The following CCDC85A variants were observed in gnomAD, a reference collection of about 807,000 sequenced individuals.
CCDC85A encodes coiled-coil domain containing 85A, also known as coiled-coil domain-containing protein 85A.
A neutral mutation model predicts 50.2 loss-of-function variants in CCDC85A; 38 were observed. The observed-to-expected ratio is 0.76, with a 90% CI of 0.58 to 0.99. The LOEUF (loss-of-function observed/expected upper bound fraction) is 0.99, where lower values mean the gene tolerates loss of function less well. Among genes scored for constraint, CCDC85A ranks in the 50% least tolerant of loss-of-function variants. CCDC85A has a pLI of 0.00. For synonymous variants in CCDC85A, 366 were observed against 301.4 expected (o/e 1.21, Z -2.22); for missense variants, 820 against 742.0 (o/e 1.11, Z -1.22).
intron 3 of CCDC85A, among the ~76,000 whole-genome samples, chr2:56,353,987 A>G (rs1376492450): frequency 1.3e-5 from 2 of 152,194 alleles, no homozygotes; most frequent in African/African-American, 4.8e-5. Context: ...ACCTGAGTTC[A>G]TGAACTAATG....
At chr2:56,316,336 A>AT (rs1055294320) in intron 2 of CCDC85A, among the ~76,000 whole-genome samples, 3 of 151,584 alleles carry the variant, frequency 2.0e-5, no homozygotes, top group East Asian at 3.9e-4. Context: ...TCTTTTTTGG[A>AT]TTTTTTTTCT....
At chr2:56,186,841 G>A (rs979844509) in intron 1 of CCDC85A, among the ~76,000 whole-genome samples, 2 of 152,128 alleles carry the variant, frequency 1.3e-5, no homozygotes, top group Admixed American at 6.5e-5. Context: ...CTAAAGGCCC[G>A]TACACCCAAG....
intron 2 of CCDC85A, among the ~76,000 whole-genome samples, chr2:56,199,888 G>A (rs190900412): frequency 6.8e-4 from 103 of 152,226 alleles, no homozygotes; most frequent in African/African-American, 2.3e-3. Flanking sequence ...ATTTTTATTT[G>A]AGATGGAGTC....
At chr2:56,350,172 ATTTTT>A (rs35540839) in intron 3 of CCDC85A, among the ~76,000 whole-genome samples, 1 of 135,946 alleles carries the variant, frequency 7.4e-6, no homozygotes, top group South Asian at 2.3e-4. Context: ...TTCTTCTCTT[ATTTTT>A]TTTTTTTGAG....
intron 5 of CCDC85A, among the ~76,000 whole-genome samples, chr2:56,377,747 G>A (rs1016549054): frequency 3.3e-5 from 5 of 152,076 alleles, no homozygotes; most frequent in African/African-American, 1.2e-4. Context: ...ATTCAGCAGG[G>A]TGTGGTGGCA....
At chr2:56,364,005 G>T (rs1241288833) in intron 3 of CCDC85A, among the ~76,000 whole-genome samples, 3 of 152,142 alleles carry the variant, frequency 2.0e-5, no homozygotes, top group Non-Finnish European at 4.4e-5. Context: ...CAATTTAGAA[G>T]TATCAGTCTT....
intron 2 of CCDC85A, among the ~76,000 whole-genome samples, chr2:56,254,279 C>A (rs552359828): frequency 2.0e-5 from 3 of 152,054 alleles, no homozygotes; most frequent in African/African-American, 7.2e-5. Flanking sequence ...TCGGAGGGTT[C>A]CCAGCAGTTT....
intron 5 of CCDC85A, among the ~76,000 whole-genome samples, chr2:56,383,938 G>C (rs1454137670): frequency 6.6e-6 from 1 of 151,854 alleles, no homozygotes; most frequent in Non-Finnish European, 1.5e-5. Context: ...AATCTTCAAG[G>C]ATGGGGATTA....
intron 2 of CCDC85A, among the ~76,000 whole-genome samples, chr2:56,310,529 G>A (rs528929087): frequency 1.9e-4 from 29 of 152,266 alleles, no homozygotes; most frequent in Non-Finnish European, 3.7e-4. Context: ...TTGGACCACA[G>A]TGATGATTAT....
intron 2 of CCDC85A, among the ~76,000 whole-genome samples, chr2:56,220,199 G>A (rs201926835): frequency 6.6e-6 from 1 of 151,760 alleles, no homozygotes; most frequent in East Asian, 1.9e-4. Flanking sequence ...TGTCAGTACA[G>A]GCACAAATAC....
intron 2 of CCDC85A, among the ~76,000 whole-genome samples, chr2:56,305,689 G>A (rs1395898058): frequency 6.6e-6 from 1 of 152,244 alleles, no homozygotes; most frequent in African/African-American, 2.4e-5. Context: ...TTGTATCTCA[G>A]CATTCACTGA....
chr2:56,368,791 A>G (rs188457890), intron 3 of CCDC85A, among the ~76,000 whole-genome samples: 357 of 148,752 alleles, frequency 2.4e-3, no homozygotes, highest in African/African-American at 8.6e-3. Context: ...TCAATTGGAA[A>G]TATTTATATA....
At chr2:56,193,498 AATG>A in intron 2 of CCDC85A, 58 bp downstream of exon 2, 1 of 1,498,346 alleles carries the variant, frequency 6.7e-7, no homozygotes, top group Non-Finnish European at 8.9e-7. Context: ...GAGAGTTACG[AATG>A]ATGATGGACT....
chr2:56,202,107 C>T (rs1352645421), intron 2 of CCDC85A, among the ~76,000 whole-genome samples: 2 of 152,180 alleles, frequency 1.3e-5, no homozygotes, highest in African/African-American at 4.8e-5. Context: ...CAGTTTTTCT[C>T]AATTCTTATT....
intron 2 of CCDC85A, among the ~76,000 whole-genome samples, chr2:56,339,864 G>A (rs897326602): frequency 3.9e-5 from 6 of 152,128 alleles, no homozygotes; most frequent in African/African-American, 1.4e-4. Context: ...GCAGACTCAT[G>A]AAATCAATAA....
intron 2 of CCDC85A, among the ~76,000 whole-genome samples, chr2:56,250,021 GC>G (rs1157038922): frequency 9.2e-5 from 14 of 152,228 alleles, no homozygotes; most frequent in African/African-American, 3.4e-4. Context: ...TGTGCCAGCA[GC>G]CATGAAGGGC....
intron 2 of CCDC85A, among the ~76,000 whole-genome samples, chr2:56,286,758 G>T (rs1671462991): frequency 6.6e-6 from 1 of 151,950 alleles, no homozygotes; most frequent in African/African-American, 2.4e-5. Context: ...TTCTACTTTT[G>T]TATGACTTGT....
chr2:56,323,283 T>G (rs927327153), intron 2 of CCDC85A, among the ~76,000 whole-genome samples: 2 of 152,028 alleles, frequency 1.3e-5, no homozygotes, highest in African/African-American at 2.4e-5. Context: ...CTCTAGAACT[T>G]AAAGTAAAAT....
chr2:56,374,482 G>T (rs1461342126), intron 4 of CCDC85A, among the ~76,000 whole-genome samples: 1 of 152,150 alleles, frequency 6.6e-6, no homozygotes, highest in East Asian at 1.9e-4. Context: ...GCTGGGTGCA[G>T]TTTTCTCTTC....
Sources: allele counts gnomAD v4.1 joint callset (sites outside exome capture counted in the v4.1 genomes callset), GRCh38; gene constraint gnomAD v4.1.1; transcripts MANE v1.5; gene names NCBI Gene and HGNC (gene_info 2026-07-23, HGNC 2026-07-21).